The following SUCLG2 variants were observed in gnomAD, a reference collection of about 807,000 sequenced individuals.
SUCLG2 encodes the protein succinate-CoA ligase GDP-forming subunit beta, also known as succinate--CoA ligase [GDP-forming] subunit beta, mitochondrial.
SUCLG2 carries 42 observed loss-of-function variants against 47.9 expected under a neutral mutation model. That is an observed-to-expected ratio of 0.88 (90% CI 0.69 to 1.14). The LOEUF is 1.14. Ranked by LOEUF, SUCLG2 falls within the 50% of genes most tolerant of loss-of-function variation. The pLI is 0.00. For synonymous variants in SUCLG2, 195 were observed against 197.3 expected (o/e 0.99, Z 0.10); for missense variants, 571 against 525.9 (o/e 1.09, Z -0.84).
intron 7 of SUCLG2, among the ~76,000 whole-genome samples, chr3:67,502,706 C>T (rs1705530555): frequency 6.6e-6 from 1 of 152,170 alleles, no homozygotes; most frequent in Non-Finnish European, 1.5e-5. Flanking sequence ...TTATCTGTTC[C>T]TTTATAATCT....
intron 2 of SUCLG2, among the ~76,000 whole-genome samples, chr3:67,592,861 ATGTAATTATAAAC>A (rs1368402691): frequency 1.3e-5 from 2 of 152,190 alleles, no homozygotes; most frequent in Non-Finnish European, 2.9e-5. Context: ...AAAACCCACA[ATGTAATTATAAAC>A]TGTAAATCCT....
At position 67,375,831 on chromosome 3, in the gene SUCLG2, T is replaced by C. The variant is rs941622863; in HGVS notation, c.1212A>G (p.Ile404Met). 22 of 1,613,758 alleles carry C rather than the reference T, an allele frequency of 1.4e-5. No individual in the cohort carries two copies. Among genetic ancestry groups the C allele is most frequent in the Non-Finnish European group, 7.6e-6 (9 of 1,179,892 alleles). Residue 404 changes from isoleucine to methionine, a missense_variant, in exon 11 of 11, where the codon ATA becomes ATG. By Grantham distance (10) the Ile-to-Met change is conservative. Transcript: ENST00000307227. ...TAATGGGGAGTCCGCTGTTGTTGAGTATCTTCTGGGCCTCTTGGACGTTGG... is the reference window on the plus strand; with the variant it reads ...TAATGGGGAGTCCGCTGTTGTTGAGCATCTTCTGGGCCTCTTGGACGTTGG... ...EGTNVQEAQK[I>M]LNNSGLPITS...
chr3:67,623,290 G>A (rs919289801), intron 1 of SUCLG2, among the ~76,000 whole-genome samples: 4 of 152,088 alleles, frequency 2.6e-5, no homozygotes, highest in African/African-American at 7.2e-5. Context: ...CACGAGGTCA[G>A]GACATCGAGA....
intron 10 of SUCLG2, among the ~76,000 whole-genome samples, chr3:67,382,950 TTAGA>T (rs1702189547): frequency 6.6e-6 from 1 of 152,268 alleles, no homozygotes; most frequent in Non-Finnish European, 1.5e-5. Context: ...CAAGTGGCAA[TTAGA>T]TAGAGGAGGT....
In SUCLG2 at chr3:67,589,732, G is replaced by A. The variant is rs75078217; in HGVS notation, c.226+19723C>T. Among the ~76,000 whole-genome samples the A allele has an allele frequency of 9.9e-3, 1,510 of 152,294 alleles. 8 individuals carry two copies. The highest frequency in any genetic ancestry group is 0.016 in the Non-Finnish European group (1,074 of 68,032). On this transcript the variant is annotated intron_variant, in intron 2 of 10. Transcript: ENST00000307227. ...AGGGGTGGCTGTGTGCAGGAGAGGT[G>A]GATGGACCTGAACACACATACTCAT...
chr3:67,386,391 T>A (rs1702260592), intron 10 of SUCLG2, among the ~76,000 whole-genome samples: 1 of 152,142 alleles, frequency 6.6e-6, no homozygotes, highest in Non-Finnish European at 1.5e-5. Context: ...CTTGTACACT[T>A]CATCAACAAA....
At chr3:67,620,488 G>T (rs1700714792) in intron 1 of SUCLG2, among the ~76,000 whole-genome samples, 1 of 145,476 alleles carries the variant, frequency 6.9e-6, no homozygotes, top group Admixed American at 7.1e-5. Context: ...AGGAGGCTGA[G>T]ACAGGAGAAC....
intron 4 of SUCLG2, among the ~76,000 whole-genome samples, chr3:67,524,788 G>C (rs1249485097): frequency 6.6e-6 from 1 of 152,072 alleles, no homozygotes; most frequent in Non-Finnish European, 1.5e-5. Flanking sequence ...ACTAGCTAGG[G>C]AGCTTGAGGT....
At chr3:67,569,545 C>T (rs1191070360) in intron 2 of SUCLG2, among the ~76,000 whole-genome samples, 1 of 152,230 alleles carries the variant, frequency 6.6e-6, no homozygotes, top group African/African-American at 2.4e-5. Flanking sequence ...GAATTATTCT[C>T]AAGCCTTAAA....
At chr3:67,438,853 T>C (rs181558731) in intron 9 of SUCLG2, among the ~76,000 whole-genome samples, 16 of 152,036 alleles carry the variant, frequency 1.1e-4, no homozygotes, top group Admixed American at 9.2e-4. Flanking sequence ...TTGCAAACAA[T>C]AGAAAAAGAG....
chr3:67,373,071 C>A (rs577459627), downstream of SUCLG2, among the ~76,000 whole-genome samples: 19 of 152,280 alleles, frequency 1.2e-4, no homozygotes, highest in African/African-American at 3.8e-4. Context: ...ATATCCTTTT[C>A]ACTTCCCCAC....
intron 2 of SUCLG2, among the ~76,000 whole-genome samples, chr3:67,540,155 T>C (rs1706663160): frequency 6.6e-6 from 1 of 151,716 alleles, no homozygotes; most frequent in South Asian, 2.1e-4. Context: ...TGTTAGGGTG[T>C]CGATTTTAGC....
At chr3:67,549,725 G>C (rs925502440) in intron 2 of SUCLG2, among the ~76,000 whole-genome samples, 10 of 152,160 alleles carry the variant, frequency 6.6e-5, no homozygotes, top group Admixed American at 5.2e-4. Context: ...GCTTAGCATA[G>C]TGCAAAATAT....
intron 10 of SUCLG2, among the ~76,000 whole-genome samples, chr3:67,396,794 T>A (rs754830409): frequency 6.6e-6 from 1 of 152,132 alleles, no homozygotes; most frequent in Non-Finnish European, 1.5e-5. Flanking sequence ...GCAAACCGAA[T>A]CTAGCAGCAT....
At chr3:67,529,401 C>G (rs369753502) in intron 2 of SUCLG2, among the ~76,000 whole-genome samples, 19 of 152,092 alleles carry the variant, frequency 1.2e-4, no homozygotes, top group African/African-American at 3.9e-4. Flanking sequence ...TGCTTCCTAC[C>G]AGTTTAATCA....
chr3:67,500,753 A>T (rs897361864), intron 7 of SUCLG2, among the ~76,000 whole-genome samples: 1 of 152,210 alleles, frequency 6.6e-6, no homozygotes, highest in East Asian at 1.9e-4. Flanking sequence ...TATAACTGAC[A>T]CCTTCAAAAT....
chr3:67,575,976 C>A (rs1707731447), intron 2 of SUCLG2, among the ~76,000 whole-genome samples: 1 of 152,168 alleles, frequency 6.6e-6, no homozygotes. Flanking sequence ...CCATTCTTGT[C>A]ACGTGAAATA....
intron 2 of SUCLG2, among the ~76,000 whole-genome samples, chr3:67,560,942 C>A (rs1244746851): frequency 6.6e-6 from 1 of 150,662 alleles, no homozygotes; most frequent in African/African-American, 2.4e-5. Flanking sequence ...TCCCTCCTCA[C>A]CCACACTCAC....
intron 9 of SUCLG2, among the ~76,000 whole-genome samples, chr3:67,488,134 G>A (rs1705108266): frequency 6.6e-6 from 1 of 151,378 alleles, no homozygotes; most frequent in African/African-American, 2.4e-5. Context: ...TTTTAAAAAG[G>A]TATATATAAA....
Sources: allele counts gnomAD v4.1 joint callset (sites outside exome capture counted in the v4.1 genomes callset), GRCh38; gene constraint gnomAD v4.1.1; transcripts MANE v1.5; gene names NCBI Gene and HGNC (gene_info 2026-07-23, HGNC 2026-07-21).